COL18A1: variants seen among roughly 807,000 people sequenced by gnomAD.
COL18A1 encodes collagen alpha-1(XVIII) chain.
COL18A1 carries 133 observed loss-of-function variants against 168.0 expected under a neutral mutation model. The observed-to-expected ratio is 0.79, with a 90% CI of 0.69 to 0.91. The LOEUF (loss-of-function observed/expected upper bound fraction) is 0.91. COL18A1 is among the 40% of genes least tolerant of loss of function. The pLI is 0.00. For missense variants in COL18A1, 2,126 were observed against 1,925.4 expected (o/e 1.10, Z -1.95); for synonymous variants, 949 against 809.0 (o/e 1.17, Z -2.94).
At chr21:45,436,384 G>C (rs2034096410) in intron 2 of COL18A1, among the ~76,000 whole-genome samples, 1 of 152,218 alleles carries the variant, frequency 6.6e-6, no homozygotes, top group Admixed American at 6.5e-5. Context: ...GCAGGGACGA[G>C]GGACTGTGCC....
intron 6 of COL18A1, among the ~76,000 whole-genome samples, chr21:45,476,919 TTTTG>T (rs1418111538): frequency 1.7e-5 from 2 of 120,934 alleles, no homozygotes; most frequent in East Asian, 2.6e-4. Context: ...GTATTATGTG[TTTTG>T]TGTGTGTGTG....
At chr21:45,445,014 C>A (rs1017070840) in intron 2 of COL18A1, among the ~76,000 whole-genome samples, 1 of 152,114 alleles carries the variant, frequency 6.6e-6, no homozygotes, top group Non-Finnish European at 1.5e-5. Context: ...GCAATTCACT[C>A]GAAGTGTACA....
intron 41 of COL18A1, among the ~76,000 whole-genome samples, chr21:45,511,647 G>T (rs80344556): frequency 1.3e-5 from 2 of 152,042 alleles, no homozygotes; most frequent in Non-Finnish European, 2.9e-5. Context: ...AGAACGCTTC[G>T]TCCCAAATGT....
chr21:45,436,649 G>T (rs2034107101), intron 2 of COL18A1, among the ~76,000 whole-genome samples: 1 of 151,818 alleles, frequency 6.6e-6, no homozygotes, highest in African/African-American at 2.4e-5. Context: ...TGTGGCTGGG[G>T]TGGGGCTGAG....
chr21:45,439,441 A>G (rs948257183), intron 2 of COL18A1, among the ~76,000 whole-genome samples: 3 of 152,250 alleles, frequency 2.0e-5, no homozygotes, highest in African/African-American at 7.2e-5. Flanking sequence ...GCCTTTACGT[A>G]TCGCAACGTG....
intron 2 of COL18A1, among the ~76,000 whole-genome samples, chr21:45,459,306 C>T (rs2034961916): frequency 6.6e-6 from 1 of 152,118 alleles, no homozygotes; most frequent in Admixed American, 6.5e-5. Context: ...GGAGGGGGAG[C>T]CCAGCCTGAC....
rs1161821622 is a variant in COL18A1, at chr21:45,473,436, G to A, written c.652-459G>A. Among the ~76,000 whole-genome samples the A allele has an allele frequency of 6.6e-6, 1 of 152,244 alleles. No individual in the cohort carries two copies. The highest frequency in any genetic ancestry group is 2.4e-5 in the African/African-American group (1 of 41,464). ...TTTTGATGAAAAGGTGAAGTTCAAA[G>A]AAAGCAAAGCCATGGTGCCACCTCG... On this transcript the variant is annotated intron_variant, in intron 3 of 41. Transcript: ENST00000651438. This position sits in a 1 kb window ranked among gnomAD's most constrained non-coding sequence, Gnocchi z 4.0.
chr21:45,480,232 T>TA, intron 11 of COL18A1, 76 bp downstream of exon 11: 1 of 1,131,588 alleles, frequency 8.8e-7, no homozygotes. Context: ...GGCCCAGAAG[T>TA]ATCAGCTCCA....
rs548084117 is a variant in COL18A1 at position 45,512,882 on chromosome 21, C to T, written c.*484C>T. On this transcript the variant is annotated 3_prime_UTR_variant, in exon 42 of 42. Coordinates refer to ENST00000651438, the MANE Select transcript of COL18A1 (RefSeq NM_001379500.1). ...CAGCACAAGGCCATCTGGGCTCCTC[C>T]AGGGTGTGTGCTCGCCCTGCGGTAG... The T allele has an allele frequency of 4.6e-4, 107 of 231,928 alleles. No individual in the cohort carries two copies. Among genetic ancestry groups the T allele is most frequent in the African/African-American group, 2.3e-3 (99 of 43,588 alleles). 14.4% of individuals were successfully genotyped at this position (231,928 alleles called of 1,614,324 possible). A position where few individuals can be genotyped will look rare whatever the true frequency, so the allele number is the denominator to read the frequency against.
At chr21:45,467,939 T>A (rs1472038295) in intron 2 of COL18A1, among the ~76,000 whole-genome samples, 6 of 152,146 alleles carry the variant, frequency 3.9e-5, no homozygotes, top group Non-Finnish European at 8.8e-5. Flanking sequence ...CCATCCCTGC[T>A]CAAAGCATGG....
chr21:45,472,259 T>G (rs1443797234), intron 3 of COL18A1, among the ~76,000 whole-genome samples: 1 of 151,636 alleles, frequency 6.6e-6, no homozygotes, highest in African/African-American at 2.4e-5. Context: ...AGTCTCGCTC[T>G]GTCGCCCAGG....
chr21:45,453,742 G>C (rs1194464068), intron 2 of COL18A1, among the ~76,000 whole-genome samples: 1 of 152,168 alleles, frequency 6.6e-6, no homozygotes, highest in Middle Eastern at 3.2e-3. Flanking sequence ...TGGCAGGGTG[G>C]GTGCTCAGTG....
At chr21:45,477,371 C>T (rs564860002) in intron 6 of COL18A1, 40 bp from the exon 7 acceptor site, 43 of 1,566,228 alleles carry the variant, frequency 2.7e-5, no homozygotes, top group South Asian at 1.6e-4. Context: ...TGGGGCCACC[C>T]GGGGGGCGTG....
chr21:45,427,636 C>T (rs1306378063), intron 2 of COL18A1, among the ~76,000 whole-genome samples: 1 of 152,174 alleles, frequency 6.6e-6, no homozygotes, highest in Non-Finnish European at 1.5e-5. Flanking sequence ...GGCAGGCCGG[C>T]GGGTGTTGAG....
intron 2 of COL18A1, 94 bp from the exon 3 acceptor site, chr21:45,468,148 T>G (rs1198447069): frequency 7.2e-7 from 1 of 1,387,636 alleles, no homozygotes; most frequent in African/African-American, 1.4e-5. Flanking sequence ...CAGTTTCTCC[T>G]TTCTGCCCCT....
chr21:45,412,222 A>C (rs2033318280), intron 2 of COL18A1, among the ~76,000 whole-genome samples: 1 of 141,146 alleles, frequency 7.1e-6, no homozygotes, highest in Non-Finnish European at 1.5e-5. Context: ...TATTTCTTTA[A>C]CTGGGGGTAT....
In COL18A1 at chr21:45,505,855, A is replaced by G. The variant is rs2146087613; in HGVS notation, c.3105A>G (p.Thr1035=). 6.2e-7 allele frequency: 1 copy of G among 1,606,854 alleles called. No individual in the cohort carries two copies. Among genetic ancestry groups the G allele is most frequent in the Non-Finnish European group, 8.5e-7 (1 of 1,178,108 alleles). Residue 1035 remains threonine (T), a synonymous_variant, in exon 37 of 42, where the codon ACA becomes ACG. Transcript: ENST00000651438. ...CCCAGCAGGTGAGGCTCTGGGCTACACGCCAGGCCATGCTGGGCCAGGTGC... is the reference window on the plus strand; with the variant it reads ...CCCAGCAGGTGAGGCTCTGGGCTACGCGCCAGGCCATGCTGGGCCAGGTGC... ...GASSGVRLWA[T]RQAMLGQVHE...
At chr21:45,479,543 A>G (rs2145932231) in intron 9 of COL18A1, among the ~76,000 whole-genome samples, 1 of 150,260 alleles carries the variant, frequency 6.7e-6, no homozygotes, top group Non-Finnish European at 1.5e-5. Context: ...ACACTCACAC[A>G]TCACACATAC....
At chr21:45,462,434 G>C (rs993370892) in intron 2 of COL18A1, among the ~76,000 whole-genome samples, 1 of 152,094 alleles carries the variant, frequency 6.6e-6, no homozygotes, top group African/African-American at 2.4e-5. Context: ...AAGCCCCTTA[G>C]GCTCTTTTCA....
Sources: allele counts gnomAD v4.1 joint callset (sites outside exome capture counted in the v4.1 genomes callset), GRCh38; gene constraint gnomAD v4.1.1; non-coding constraint Gnocchi (gnomAD v3.1); transcripts MANE v1.5; gene names NCBI Gene and HGNC (gene_info 2026-07-23, HGNC 2026-07-21).